The following TNIK variants were observed in gnomAD, a reference collection of about 807,000 sequenced individuals.
TNIK encodes TRAF2 and NCK interacting kinase.
Under a neutral mutation model 191.3 loss-of-function variants are expected in TNIK, and 49 were observed. The ratio of observed to expected loss-of-function variants is 0.26; its 90% CI spans 0.20 to 0.32. The LOEUF (loss-of-function observed/expected upper bound fraction) is 0.32, where lower values mean the gene tolerates loss of function less well. TNIK is among the 10% of genes least tolerant of loss of function. TNIK has a pLI of 1.00. For synonymous variants in TNIK, 594 were observed against 600.9 expected, an observed-to-expected ratio of 0.99 and a Z score of 0.17; for missense variants, 1,155 against 1,702.3, an observed-to-expected ratio of 0.68 and a Z score of 5.66.
chr3:171,311,773 T>C (rs986603028), intron 2 of TNIK, among the ~76,000 whole-genome samples: 2 of 152,196 alleles, frequency 1.3e-5, no homozygotes, highest in African/African-American at 4.8e-5. Context: ...ACAAATCACA[T>C]CCTTTCTTTA....
chr3:171,243,737 G>A (rs1344667929), intron 2 of TNIK, among the ~76,000 whole-genome samples: 3 of 152,114 alleles, frequency 2.0e-5, no homozygotes. Context: ...ATAAAAATAT[G>A]TATTTTTATT....
chr3:171,269,518 A>G (rs751622669), intron 2 of TNIK, among the ~76,000 whole-genome samples: 5 of 152,230 alleles, frequency 3.3e-5, no homozygotes, highest in Non-Finnish European at 5.9e-5. Context: ...ACATCACACA[A>G]TGTTCCCCCA....
rs139044663 is a variant in TNIK at position 171,098,059 on chromosome 3, C to T, written c.2591+3390G>A. On this transcript the variant is annotated intron_variant, in intron 22 of 32. Coordinates refer to ENST00000436636, the MANE Select transcript of TNIK (RefSeq NM_015028.4). ...AGCTATTCTACCCTACAGGAGGGAA[C>T]GCATGATTCCCCACTCCTCAAGTGT... Among the ~76,000 whole-genome samples, 448 of 152,310 alleles carry T rather than the reference C, an allele frequency of 2.9e-3. 4 individuals are homozygous for T. The highest frequency in any genetic ancestry group is 0.01 in the African/African-American group (434 of 41,552).
At chr3:171,210,746 G>T (rs1740703971) in intron 4 of TNIK, among the ~76,000 whole-genome samples, 9 of 149,234 alleles carry the variant, frequency 6.0e-5, no homozygotes, top group Admixed American at 5.4e-4. Flanking sequence ...AGAAATTAGG[G>T]AAAGAATAAT....
chr3:171,127,518 T>A (rs75124890), intron 16 of TNIK, among the ~76,000 whole-genome samples: 1,661 of 152,250 alleles, frequency 0.011, 29 homozygotes, highest in African/African-American at 0.038. Flanking sequence ...ACAAAATATC[T>A]ACATTTTCAC....
At chr3:171,280,634 C>T (rs1750315731) in intron 2 of TNIK, among the ~76,000 whole-genome samples, 1 of 142,882 alleles carries the variant, frequency 7.0e-6, no homozygotes, top group Non-Finnish European at 1.5e-5. Flanking sequence ...ACTATGAAGT[C>T]TAAACTGTCT....
At chr3:171,409,736 C>T (rs1240509165) in intron 1 of TNIK, among the ~76,000 whole-genome samples, 1 of 149,116 alleles carries the variant, frequency 6.7e-6, no homozygotes, top group Non-Finnish European at 1.5e-5. Flanking sequence ...GTCAGAGAAT[C>T]CTGTGCATCT....
chr3:171,331,869 G>A (rs552519477), intron 2 of TNIK, among the ~76,000 whole-genome samples: 106 of 152,116 alleles, frequency 7.0e-4, no homozygotes, highest in Non-Finnish European at 1.2e-3. Context: ...AAGCTATCTC[G>A]TGATAATATA....
At chr3:171,354,853 T>C (rs1256639826) in intron 2 of TNIK, among the ~76,000 whole-genome samples, 1 of 152,210 alleles carries the variant, frequency 6.6e-6, no homozygotes, top group East Asian at 1.9e-4. Flanking sequence ...GACCATAGTA[T>C]TACTCATCAA....
At chr3:171,207,793 C>A (rs1023247220) in intron 4 of TNIK, among the ~76,000 whole-genome samples, 1 of 152,174 alleles carries the variant, frequency 6.6e-6, no homozygotes, top group African/African-American at 2.4e-5. Context: ...AATCTGCAGG[C>A]CTCAGGGAAT....
chr3:171,100,845 T>C (rs1009601668), intron 22 of TNIK, among the ~76,000 whole-genome samples: 3 of 150,174 alleles, frequency 2.0e-5, no homozygotes, highest in African/African-American at 4.9e-5. Context: ...GCAAAGAGAC[T>C]GACAGTATGT....
intron 2 of TNIK, among the ~76,000 whole-genome samples, chr3:171,323,897 T>C (rs189723742): frequency 6.6e-6 from 1 of 152,276 alleles, no homozygotes; most frequent in Admixed American, 6.5e-5. Context: ...TAGTGCTTGG[T>C]ACCATCAATA....
intron 3 of TNIK, among the ~76,000 whole-genome samples, chr3:171,222,293 G>GGCTTGGGCAAGTT (rs1742448487): frequency 6.6e-6 from 1 of 152,052 alleles, no homozygotes; most frequent in Admixed American, 6.6e-5. Flanking sequence ...CTATCCATGA[G>GGCTTGGGCAAGTT]GCTTGGGCAA....
intron 30 of TNIK, among the ~76,000 whole-genome samples, chr3:171,068,056 C>T (rs1245666890): frequency 1.3e-5 from 2 of 152,194 alleles, no homozygotes; most frequent in East Asian, 3.9e-4. Flanking sequence ...AATAGTTTCT[C>T]CTGTGTGTTA....
intron 21 of TNIK, 136 bp downstream of exon 21, chr3:171,107,047 A>G (rs563286755): frequency 2.3e-6 from 2 of 867,962 alleles, no homozygotes; most frequent in Admixed American, 5.5e-5. Context: ...TTGAAGGGGC[A>G]CTCCTCCCAG....
At chr3:171,380,935 C>G (rs966634535) in intron 1 of TNIK, among the ~76,000 whole-genome samples, 21 of 152,254 alleles carry the variant, frequency 1.4e-4, no homozygotes, top group Admixed American at 1.2e-3. Context: ...GACCTGTCAT[C>G]TGGCAGAGGT....
chr3:171,190,933 T>C, intron 5 of TNIK, 146 bp from the exon 6 acceptor site: 2 of 585,190 alleles, frequency 3.4e-6, no homozygotes, highest in East Asian at 2.8e-5. Context: ...GTGCTCATAG[T>C]GCTCTTCTAA....
chr3:171,095,736 G>A (rs1186739249), intron 22 of TNIK, among the ~76,000 whole-genome samples: 1 of 152,136 alleles, frequency 6.6e-6, no homozygotes, highest in Admixed American at 6.5e-5. Context: ...GAGTCCAGAC[G>A]AGAAAATGTA....
chr3:171,438,741 G>T (rs1224403186), intron 1 of TNIK, among the ~76,000 whole-genome samples: 1 of 152,184 alleles, frequency 6.6e-6, no homozygotes, highest in African/African-American at 2.4e-5. Context: ...TCATAAGAAA[G>T]TGTCTTAGTA....
Sources: gnomAD v4.1 joint callset for allele counts (sites outside exome capture counted in the v4.1 genomes callset) on GRCh38, gnomAD v4.1.1 for gene constraint, MANE v1.5 for transcripts, NCBI Gene and HGNC (gene_info 2026-07-23, HGNC 2026-07-21) for gene names.